The following WASF3 variants were observed in gnomAD, a reference collection of about 807,000 sequenced individuals.
WASF3 encodes WASP family member 3.
Under a neutral mutation model 46.6 loss-of-function variants are expected in WASF3, and 11 were observed. The observed-to-expected ratio is 0.24, with a 90% CI of 0.15 to 0.39. The LOEUF (loss-of-function observed/expected upper bound fraction) is 0.39, where lower values mean the gene tolerates loss of function less well. Among genes scored for constraint, WASF3 ranks in the 10% least tolerant of loss-of-function variants. WASF3 has a pLI of 1.00. For missense variants in WASF3, 576 were observed against 669.8 expected, an observed-to-expected ratio of 0.86 and a Z score of 1.55; for synonymous variants, 242 against 259.7, an observed-to-expected ratio of 0.93 and a Z score of 0.65.
intron 3 of WASF3, among the ~76,000 whole-genome samples, chr13:26,656,257 G>A (rs1013958241): frequency 2.0e-5 from 3 of 152,018 alleles, no homozygotes; most frequent in East Asian, 1.9e-4. Flanking sequence ...GTAAAAAAAA[G>A]TTTCTTTTAA....
intron 8 of WASF3, among the ~76,000 whole-genome samples, chr13:26,681,679 T>G (rs1883235326): frequency 6.6e-6 from 1 of 152,136 alleles, no homozygotes; most frequent in South Asian, 2.1e-4. Flanking sequence ...CACAGAAAAT[T>G]GTTATCACAG....
chr13:26,576,974 G>A (rs987146233), intron 1 of WASF3: 1 of 722,592 alleles, frequency 1.4e-6, no homozygotes. Context: ...AAGAAAGAGT[G>A]GTATGATGTG....
chr13:26,632,624 TAA>T (rs1396705604), intron 2 of WASF3, among the ~76,000 whole-genome samples: 7 of 152,368 alleles, frequency 4.6e-5, no homozygotes, highest in African/African-American at 1.4e-4. Context: ...GATATTGATC[TAA>T]AATTCTCTTT....
At chr13:26,586,312 G>C (rs2137176176) in intron 1 of WASF3, among the ~76,000 whole-genome samples, 1 of 151,764 alleles carries the variant, frequency 6.6e-6, no homozygotes, top group Non-Finnish European at 1.5e-5. Context: ...AACTTCTTTT[G>C]GTATAAGGGG....
rs1245678256 is a variant in WASF3, at chr13:26,688,690, TA to T, written c.*2849del. The T allele has an allele frequency of 6.6e-6, 1 of 152,248 alleles. No individual in the cohort carries two copies. The highest frequency in any genetic ancestry group is 1.5e-5 in the Non-Finnish European group (1 of 68,040). 9.4% of individuals were successfully genotyped at this position (152,248 alleles called of 1,614,324 possible). On this transcript the variant is annotated 3_prime_UTR_variant, in exon 10 of 10. Coordinates refer to ENST00000335327, the MANE Select transcript of WASF3 (RefSeq NM_006646.6). The stretch of plus-strand genomic sequence containing the variant: ...TAAAAGTTTTATAATAATTTGCAAT[TA>T]AAATACATGATACATATTAATCCAT...
At chr13:26,684,251 T>C (rs1883332977) in intron 9 of WASF3, among the ~76,000 whole-genome samples, 1 of 152,072 alleles carries the variant, frequency 6.6e-6, no homozygotes, top group Non-Finnish European at 1.5e-5. Flanking sequence ...TTCGGGGTCA[T>C]TGTAGGACGG....
rs528207872 is a variant in WASF3 at position 26,633,291 on chromosome 13, C to T, written c.-10-8970C>T. On this transcript the variant is annotated intron_variant, in intron 2 of 9. Coordinates refer to ENST00000335327, the MANE Select transcript of WASF3 (RefSeq NM_006646.6). Reference sequence around the variant, plus strand: ...CATCTCAGCTCATCACAACCTCTGCCTCCCGGGTTCAAGCAATTCTCCTGC... The same window carrying T: ...CATCTCAGCTCATCACAACCTCTGCTTCCCGGGTTCAAGCAATTCTCCTGC... Among the ~76,000 whole-genome samples, 122 of 144,748 alleles carry T rather than the reference C, an allele frequency of 8.4e-4. 1 individual carries two copies. The highest frequency in any genetic ancestry group is 3.0e-3 in the African/African-American group (119 of 40,080). The allele number at this position is 144,748 out of a possible 152,430, so 95.0% of individuals were successfully genotyped here.
intron 1 of WASF3, among the ~76,000 whole-genome samples, chr13:26,581,197 G>A (rs1345980560): frequency 6.6e-6 from 1 of 152,078 alleles, no homozygotes; most frequent in Non-Finnish European, 1.5e-5. Flanking sequence ...CTCCCAAAAT[G>A]CTGGGATTAT....
intron 7 of WASF3, chr13:26,680,341 G>GCACTGC (rs1883189235): frequency 2.0e-6 from 2 of 1,007,008 alleles, no homozygotes; most frequent in Admixed American, 3.3e-5. Context: ...AACGCCCACG[G>GCACTGC]CACTGCCGGG....
At chr13:26,663,699 C>G (rs1178949585) in intron 3 of WASF3, among the ~76,000 whole-genome samples, 2 of 152,088 alleles carry the variant, frequency 1.3e-5, no homozygotes, top group Non-Finnish European at 2.9e-5. Flanking sequence ...AGAATTCATT[C>G]CCAGTGTCTA....
rs543923024 is a variant in WASF3, at chr13:26,583,866, C to T, written c.-109+26047C>T. Among the ~76,000 whole-genome samples, 3 of 152,278 alleles carry T rather than the reference C, an allele frequency of 2.0e-5. No homozygotes were observed. In the South Asian group the frequency reaches 6.2e-4, roughly 32 times the overall value. Reference sequence around the variant, plus strand: ...TAACAGGAGTCAGAAGTGTGGTTGCCACTCAAGTAGCCCAAAAAGGTTTGC... The same window carrying T: ...TAACAGGAGTCAGAAGTGTGGTTGCTACTCAAGTAGCCCAAAAAGGTTTGC... On this transcript the variant is annotated intron_variant, in intron 1 of 9. Coordinates refer to ENST00000335327, the MANE Select transcript of WASF3 (RefSeq NM_006646.6).
At chr13:26,641,620 TAAGG>T (rs897518007) in intron 2 of WASF3, among the ~76,000 whole-genome samples, 5 of 151,914 alleles carry the variant, frequency 3.3e-5, no homozygotes, top group Non-Finnish European at 5.9e-5. Flanking sequence ...TAGGGAGAGA[TAAGG>T]AAGAGGAGTT....
At chr13:26,634,244 G>T (rs529398398) in intron 2 of WASF3, among the ~76,000 whole-genome samples, 2 of 152,100 alleles carry the variant, frequency 1.3e-5, no homozygotes, top group African/African-American at 2.4e-5. Context: ...TTATGTAATG[G>T]CCTTCTTTGT....
the WASF3 span, among the ~76,000 whole-genome samples, chr13:26,542,547 C>A: frequency 2.6e-5 from 4 of 152,350 alleles, no homozygotes; most frequent in South Asian, 8.3e-4. Context: ...CTAGATCATA[C>A]TTCCCTTTCA....
At chr13:26,643,493 A>G (rs1245917923) in intron 3 of WASF3, among the ~76,000 whole-genome samples, 1 of 152,236 alleles carries the variant, frequency 6.6e-6, no homozygotes, top group African/African-American at 2.4e-5. Flanking sequence ...AAGAAATTAC[A>G]TAAAATGTTT....
chr13:26,631,688 GT>G (rs1451258311), intron 2 of WASF3, among the ~76,000 whole-genome samples: 2 of 152,154 alleles, frequency 1.3e-5, no homozygotes, highest in Non-Finnish European at 2.9e-5. Flanking sequence ...CTTTAAAGTA[GT>G]TTTTTCCAAT....
chr13:26,616,711 T>TG (rs1479437672), intron 2 of WASF3, among the ~76,000 whole-genome samples: 1 of 152,162 alleles, frequency 6.6e-6, no homozygotes, highest in South Asian at 2.1e-4. Flanking sequence ...ATTCTCTTTT[T>TG]GGGGGGCTGT....
At chr13:26,605,798 A>G (rs751031558) in intron 1 of WASF3, among the ~76,000 whole-genome samples, 1 of 152,152 alleles carries the variant, frequency 6.6e-6, no homozygotes, top group African/African-American at 2.4e-5. Flanking sequence ...ACCATTTTCA[A>G]CCTCTAAATT....
At chr13:26,540,876 T>A in the WASF3 span, among the ~76,000 whole-genome samples, 1 of 152,186 alleles carries the variant, frequency 6.6e-6, no homozygotes, top group Non-Finnish European at 1.5e-5. Context: ...CATAGTAAGA[T>A]GTTTGTGTTG....
Sources: allele counts gnomAD v4.1 joint callset (sites outside exome capture counted in the v4.1 genomes callset), GRCh38; gene constraint gnomAD v4.1.1; transcripts MANE v1.5; gene names NCBI Gene and HGNC (gene_info 2026-07-23, HGNC 2026-07-21).